Variants in SHISA9 observed in about 807,000 individuals in gnomAD.
The protein encoded by SHISA9 is shisa family member 9.
In SHISA9, 13 loss-of-function variants were observed where a neutral mutation model predicts 38.0. That is an observed-to-expected ratio of 0.34 (90% confidence interval 0.22 to 0.54). The LOEUF (loss-of-function observed/expected upper bound fraction) is 0.54, where lower values mean the gene tolerates loss of function less well. Ranked by LOEUF, SHISA9 falls within the 20% of genes least tolerant of loss-of-function variation. The probability of loss-of-function intolerance (pLI) is 0.91; values close to 1 mark genes in which losing one functional copy is unlikely to be tolerated. For missense variants in SHISA9, 538 were observed against 575.8 expected, an observed-to-expected ratio of 0.93 and a Z score of 0.67; for synonymous variants, 275 against 242.0, an observed-to-expected ratio of 1.14 and a Z score of -1.27.
downstream of SHISA9, among the ~76,000 whole-genome samples, chr16:13,242,800 T>A (rs1041978174): frequency 1.3e-5 from 2 of 152,212 alleles, no homozygotes; most frequent in Non-Finnish European, 2.9e-5. Flanking sequence ...ATTGAGTCTC[T>A]TACCACTTTC....
At chr16:13,203,609 T>C (rs1377309994) in intron 3 of SHISA9, 60 bp downstream of exon 3, 2 of 1,386,094 alleles carry the variant, frequency 1.4e-6, no homozygotes, top group African/African-American at 2.9e-5. Context: ...TTGCTGCTTC[T>C]TGTAGATCTC....
chr16:12,933,798 C>G (rs569904252), intron 2 of SHISA9, among the ~76,000 whole-genome samples: 1 of 152,008 alleles, frequency 6.6e-6, no homozygotes, highest in African/African-American at 2.4e-5. Context: ...TAGTTAGGCA[C>G]TGTGTTAATG....
At chr16:13,453,549 A>C in the SHISA9 span, among the ~76,000 whole-genome samples, 1 of 152,164 alleles carries the variant, frequency 6.6e-6, no homozygotes, top group African/African-American at 2.4e-5. Context: ...AGACACATGG[A>C]ACAAAGCCAA....
downstream of SHISA9, among the ~76,000 whole-genome samples, chr16:13,241,779 C>A (rs913122285): frequency 6.6e-6 from 1 of 152,162 alleles, no homozygotes; most frequent in African/African-American, 2.4e-5. Context: ...GCCACAGGGT[C>A]ACTTAGCATC....
At chr16:13,004,027 G>A (rs984398628) in intron 2 of SHISA9, among the ~76,000 whole-genome samples, 2 of 152,192 alleles carry the variant, frequency 1.3e-5, no homozygotes, top group Non-Finnish European at 2.9e-5. Context: ...GTGAACCAAT[G>A]TGTTGGGTTC....
At chr16:13,203,907 G>T (rs2051033143) in intron 3 of SHISA9, among the ~76,000 whole-genome samples, 1 of 149,420 alleles carries the variant, frequency 6.7e-6, no homozygotes, top group Non-Finnish European at 1.5e-5. Flanking sequence ...TCACTTATCT[G>T]CCTATCTATT....
the SHISA9 span, among the ~76,000 whole-genome samples, chr16:13,413,522 G>A: frequency 1.2e-4 from 19 of 152,166 alleles, no homozygotes; most frequent in Middle Eastern, 6.8e-3. Flanking sequence ...TTGGGAGGCC[G>A]AGGTGGGCAG....
At chr16:13,038,337 C>G (rs117456560) in intron 2 of SHISA9, among the ~76,000 whole-genome samples, 4,475 of 152,286 alleles carry the variant, frequency 0.029, 103 homozygotes, top group Middle Eastern at 0.054. Flanking sequence ...ATCTCTCTCC[C>G]TTTCCTCCTT....
the SHISA9 span, among the ~76,000 whole-genome samples, chr16:13,282,864 G>A: frequency 1.3e-5 from 2 of 151,994 alleles, no homozygotes. Flanking sequence ...TTTAACTGCT[G>A]AGATTTCCTG....
At chr16:13,138,472 G>A (rs1217616443) in intron 2 of SHISA9, among the ~76,000 whole-genome samples, 1 of 152,134 alleles carries the variant, frequency 6.6e-6, no homozygotes, top group Admixed American at 6.5e-5. Context: ...CTTCATCACT[G>A]TAGATTCATC....
At chr16:13,103,218 C>T (rs1399617748) in intron 2 of SHISA9, among the ~76,000 whole-genome samples, 1 of 152,192 alleles carries the variant, frequency 6.6e-6, no homozygotes, top group Admixed American at 6.5e-5. Flanking sequence ...GAAGAAAACA[C>T]TCTTCCGGAA....
intron 2 of SHISA9, among the ~76,000 whole-genome samples, chr16:12,944,297 T>C (rs1043450334): frequency 6.6e-6 from 1 of 152,236 alleles, no homozygotes; most frequent in African/African-American, 2.4e-5. Context: ...TGAACTCTTA[T>C]TTCTAGGCTG....
intron 2 of SHISA9, among the ~76,000 whole-genome samples, chr16:13,113,081 A>C (rs959223606): frequency 6.6e-6 from 1 of 151,822 alleles, no homozygotes; most frequent in Non-Finnish European, 1.5e-5. Flanking sequence ...GTGGTGGTAC[A>C]TGCCTGTAAT....
chr16:13,126,648 GGA>G (rs72374182), intron 2 of SHISA9, among the ~76,000 whole-genome samples: 5,010 of 144,002 alleles, frequency 0.035, 227 homozygotes, highest in African/African-American at 0.1. Context: ...AGAGAGAGGT[GGA>G]GAGAGAGACT....
intron 2 of SHISA9, among the ~76,000 whole-genome samples, chr16:13,174,966 C>T (rs992974374): frequency 6.6e-6 from 1 of 152,142 alleles, no homozygotes; most frequent in Admixed American, 6.5e-5. Flanking sequence ...TCGTCCTCAG[C>T]ACAGGACACA....
At chr16:13,376,798 C>T in the SHISA9 span, among the ~76,000 whole-genome samples, 4 of 152,050 alleles carry the variant, frequency 2.6e-5, no homozygotes, top group African/African-American at 7.2e-5. Context: ...GGCGATCCTC[C>T]CACCTCAGCC....
intron 2 of SHISA9, among the ~76,000 whole-genome samples, chr16:13,044,953 G>C (rs545758605): frequency 6.6e-6 from 1 of 152,164 alleles, no homozygotes; most frequent in Non-Finnish European, 1.5e-5. Context: ...ATTCCAGGGC[G>C]CAGCTTGGTG....
chr16:12,977,181 G>A (rs983509372), intron 2 of SHISA9, among the ~76,000 whole-genome samples: 1 of 152,158 alleles, frequency 6.6e-6, no homozygotes, highest in Non-Finnish European at 1.5e-5. Flanking sequence ...AGACAATGGA[G>A]GCTCGGTTGG....
chr16:13,470,300 G>T, the SHISA9 span, among the ~76,000 whole-genome samples: 1 of 152,140 alleles, frequency 6.6e-6, no homozygotes, highest in African/African-American at 2.4e-5. Context: ...TCTAATTTCG[G>T]TATTCTTCTT....
Sources: allele counts gnomAD v4.1 joint callset (sites outside exome capture counted in the v4.1 genomes callset), GRCh38; gene constraint gnomAD v4.1.1; transcripts MANE v1.5; gene names NCBI Gene and HGNC (gene_info 2026-07-23, HGNC 2026-07-21).